Variants in MYO3B observed in about 807,000 individuals in gnomAD.
MYO3B encodes myosin IIIB.
Under a neutral mutation model 174.6 loss-of-function variants are expected in MYO3B, and 156 were observed. The observed-to-expected ratio is 0.89, with a 90% CI of 0.78 to 1.02. The LOEUF is 1.02. Among genes scored for constraint, MYO3B ranks in the 50% least tolerant of loss-of-function variants. The pLI, the probability that MYO3B is intolerant of heterozygous loss-of-function variation, is 0.00. For missense variants in MYO3B, 1,632 were observed against 1,639.4 expected (o/e 1.00, Z 0.08); for synonymous variants, 563 against 569.1 (o/e 0.99, Z 0.15).
In MYO3B at chr2:170,393,164, A is replaced by G. The variant is rs768092499; in HGVS notation, c.1791+669A>G. 1.5e-4 allele frequency among the ~76,000 whole-genome samples: 22 copies of G among 151,238 alleles called. 1 individual carries two copies. Among genetic ancestry groups the G allele is most frequent in the Non-Finnish European group, 2.4e-4 (16 of 67,862 alleles). On this transcript the variant is annotated intron_variant, in intron 16 of 34. Transcript: ENST00000408978. ...AGTGGCGGGATCTCAGCTCACTGCA[A>G]CTTCTGTCTCCTGGCTTCAAGCGAT...
intron 30 of MYO3B, among the ~76,000 whole-genome samples, chr2:170,527,233 G>A (rs778583427): frequency 3.9e-5 from 6 of 152,212 alleles, no homozygotes; most frequent in Non-Finnish European, 7.3e-5. Context: ...AAGGCAGAGG[G>A]TAGGATGGGG....
chr2:170,179,153 T>C (rs1172811252), intron 1 of MYO3B, among the ~76,000 whole-genome samples: 1 of 152,162 alleles, frequency 6.6e-6, no homozygotes, highest in Non-Finnish European at 1.5e-5. Context: ...CCATAGCACA[T>C]GTTTATCTGT....
At chr2:170,633,896 A>G (rs116743094) in intron 32 of MYO3B, among the ~76,000 whole-genome samples, 23,081 of 152,212 alleles carry the variant, frequency 0.15, 2,208 homozygotes, top group East Asian at 0.45. Flanking sequence ...ATACCTCGGA[A>G]TGCAACTTAC....
At chr2:170,408,801 TA>T (rs1197037470) in intron 22 of MYO3B, among the ~76,000 whole-genome samples, 1 of 150,166 alleles carries the variant, frequency 6.7e-6, no homozygotes, top group Non-Finnish European at 1.5e-5. Context: ...TGCTTCATCT[TA>T]ACTTGGAAGG....
intron 32 of MYO3B, among the ~76,000 whole-genome samples, chr2:170,578,206 G>T (rs1692913550): frequency 6.6e-6 from 1 of 152,242 alleles, no homozygotes; most frequent in Non-Finnish European, 1.5e-5. Flanking sequence ...GAGAACAAGT[G>T]GGTTCTCACA....
intron 1 of MYO3B, among the ~76,000 whole-genome samples, chr2:170,189,848 T>C (rs187207658): frequency 6.6e-6 from 1 of 152,256 alleles, no homozygotes; most frequent in Admixed American, 6.5e-5. Context: ...TTATTTAGTT[T>C]GTTTGGTTAG....
At chr2:170,489,672 G>GTGTGTGTGT (rs1559050464) in intron 25 of MYO3B, among the ~76,000 whole-genome samples, 5 of 89,194 alleles carry the variant, frequency 5.6e-5, no homozygotes, top group South Asian at 3.8e-4. Flanking sequence ...TGTGTGTCTG[G>GTGTGTGTGT]GTAAGTGTGG....
At chr2:170,333,813 T>C (rs1232257386) in intron 7 of MYO3B, 2 of 152,192 alleles carry the variant, frequency 1.3e-5, no homozygotes, top group Non-Finnish European at 2.9e-5. Context: ...TACCCACATA[T>C]GGTGCTTGTG....
intron 6 of MYO3B, among the ~76,000 whole-genome samples, chr2:170,224,839 A>G (rs1276824204): frequency 6.6e-6 from 1 of 152,200 alleles, no homozygotes; most frequent in Non-Finnish European, 1.5e-5. Flanking sequence ...CTGCCTGGCA[A>G]AGGGTCGTTG....
intron 25 of MYO3B, among the ~76,000 whole-genome samples, chr2:170,484,963 A>G (rs1685938245): frequency 6.6e-6 from 1 of 152,140 alleles, no homozygotes; most frequent in Non-Finnish European, 1.5e-5. Flanking sequence ...AAAATTATTT[A>G]TATGGATTGA....
At chr2:170,219,921 TTGGCTTTGTACATTTATGTATAAA>T (rs1345482817) in intron 6 of MYO3B, among the ~76,000 whole-genome samples, 27 of 152,252 alleles carry the variant, frequency 1.8e-4, no homozygotes, top group African/African-American at 6.5e-4. Flanking sequence ...AAGCATTTTC[TTGGCTTTGTACATTTATGTATAAA>T]TGGCTTTGTA....
In MYO3B at chr2:170,409,720, T is replaced by TA. The variant is rs557485712; in HGVS notation, c.2650+1877dup. Among the ~76,000 whole-genome samples, 122 of 152,382 alleles carry TA rather than the reference T, an allele frequency of 8.0e-4. No homozygotes were observed. The South Asian group carries it at 0.024, about 31-fold the overall frequency. ...GAGGGAAATATAGGAGTAAAGGTAATACGGCTTTGCCGTACACCAACTAGA... is the reference window on the plus strand; with the variant it reads ...GAGGGAAATATAGGAGTAAAGGTAATAACGGCTTTGCCGTACACCAACTAGA... On this transcript the variant is annotated intron_variant, in intron 22 of 34. Coordinates refer to ENST00000408978, the MANE Select transcript of MYO3B (RefSeq NM_138995.5).
chr2:170,392,077 C>T lies in MYO3B; in HGVS notation c.1677-304C>T, dbSNP rs942626238. Among the ~76,000 whole-genome samples the T allele has an allele frequency of 6.9e-5, 10 of 143,938 alleles. No individual in the cohort carries two copies. In the East Asian group the frequency reaches 1.8e-3, roughly 26 times the overall value. 94.4% of individuals were successfully genotyped at this position (143,938 alleles called of 152,430 possible). A position where few individuals can be genotyped will look rare whatever the true frequency, so the allele number is the denominator to read the frequency against. On this transcript the variant is annotated intron_variant, in intron 15 of 34. Coordinates refer to ENST00000408978, the MANE Select transcript of MYO3B (RefSeq NM_138995.5). ...GGTCGAGGCTGCAGTGAGCCAAGTT[C>T]GTGCCACTGCGCTCCAGCCTGGGTG...
At chr2:170,557,226 G>T (rs1182913490) in intron 32 of MYO3B, among the ~76,000 whole-genome samples, 1 of 150,348 alleles carries the variant, frequency 6.7e-6, no homozygotes. Flanking sequence ...TGCAAGCTCC[G>T]CCTCCTGGGT....
At chr2:170,567,571 C>T (rs1692146865) in intron 32 of MYO3B, among the ~76,000 whole-genome samples, 3 of 152,314 alleles carry the variant, frequency 2.0e-5, no homozygotes, top group South Asian at 2.1e-4. Context: ...CAAATCATTG[C>T]GCTTTGCTTC....
At chr2:170,324,258 C>G (rs1341685429) in intron 7 of MYO3B, among the ~76,000 whole-genome samples, 2 of 152,080 alleles carry the variant, frequency 1.3e-5, no homozygotes, top group Admixed American at 6.6e-5. Flanking sequence ...ATCCCTTTTT[C>G]TACATTTTTA....
intron 7 of MYO3B, among the ~76,000 whole-genome samples, chr2:170,263,913 C>T (rs1218425262): frequency 3.3e-5 from 5 of 152,212 alleles, no homozygotes; most frequent in Non-Finnish European, 7.3e-5. Flanking sequence ...GAGGCCATAT[C>T]TCAGGCTATC....
intron 28 of MYO3B, among the ~76,000 whole-genome samples, chr2:170,511,701 T>C (rs1489595694): frequency 6.6e-6 from 1 of 152,218 alleles, no homozygotes; most frequent in East Asian, 1.9e-4. Flanking sequence ...TTTCTCAACA[T>C]CCTGTCTGTG....
At chr2:170,485,245 G>A (rs1685961559) in intron 25 of MYO3B, among the ~76,000 whole-genome samples, 1 of 152,004 alleles carries the variant, frequency 6.6e-6, no homozygotes, top group South Asian at 2.1e-4. Context: ...TAAAAATAAT[G>A]TATGAACACC....
Sources: allele counts gnomAD v4.1 joint callset (sites outside exome capture counted in the v4.1 genomes callset), GRCh38; gene constraint gnomAD v4.1.1; transcripts MANE v1.5; gene names NCBI Gene and HGNC (gene_info 2026-07-23, HGNC 2026-07-21).